ZNF398: variants seen among roughly 807,000 people sequenced by gnomAD.
ZNF398 encodes the protein zinc finger protein 398, also known as zinc finger DNA binding protein ZER6.
Under a neutral mutation model 41.9 loss-of-function variants are expected in ZNF398, and 18 were observed. The ratio of observed to expected loss-of-function variants is 0.43; its 90% CI spans 0.30 to 0.64. The LOEUF is 0.64. ZNF398 is among the 30% of genes least tolerant of loss of function. The probability of loss-of-function intolerance (pLI) is 0.14; values close to 1 mark genes in which losing one functional copy is unlikely to be tolerated. For missense variants in ZNF398, 669 were observed against 822.8 expected (o/e 0.81, Z 2.29); for synonymous variants, 260 against 308.8 (o/e 0.84, Z 1.66).
rs941026129 is a variant in ZNF398, at chr7:149,147,897, G to C, written c.24+131G>C. 2 of 1,126,654 alleles carry C rather than the reference G, an allele frequency of 1.8e-6. No homozygotes were observed. The highest frequency in any genetic ancestry group is 2.3e-6 in the Non-Finnish European group (2 of 878,336). 69.8% of individuals were successfully genotyped at this position (1,126,654 alleles called of 1,614,324 possible). A position where few individuals can be genotyped will look rare whatever the true frequency, so the allele number is the denominator to read the frequency against. On this transcript the variant is annotated intron_variant, in intron 1 of 5. Transcript: ENST00000475153. The surrounding 1 kb of genome is among the most constrained non-coding windows in gnomAD (Gnocchi z 5.6). ...CCGCCGGCCACGTCGCCTGTCGCCCGTGCTTGGCGGCTGCAGCCTCGCGTG... is the reference window on the plus strand; with the variant it reads ...CCGCCGGCCACGTCGCCTGTCGCCCCTGCTTGGCGGCTGCAGCCTCGCGTG...
chr7:149,137,527 G>A (rs1174350259), intron 2 of ZNF398, among the ~76,000 whole-genome samples: 2 of 152,016 alleles, frequency 1.3e-5, no homozygotes, highest in Non-Finnish European at 2.9e-5. Flanking sequence ...GATAACATGC[G>A]TGCACCACCA....
intron 4 of ZNF398, among the ~76,000 whole-genome samples, chr7:149,175,613 T>C (rs1445384138): frequency 1.3e-5 from 2 of 152,186 alleles, no homozygotes; most frequent in African/African-American, 2.4e-5. Context: ...GAAAAGTGTG[T>C]TTCTAGGGAG....
At position 149,147,459 on chromosome 7, in the gene ZNF398, G is replaced by T. The variant is rs1428770103; in HGVS notation, c.-284G>T. 1 of 251,046 alleles carries T rather than the reference G, an allele frequency of 4.0e-6. No homozygotes were observed. Among genetic ancestry groups the T allele is most frequent in the African/African-American group, 2.3e-5 (1 of 43,884 alleles). 15.6% of individuals were successfully genotyped at this position (251,046 alleles called of 1,614,324 possible). On this transcript the variant is annotated 5_prime_UTR_variant, in exon 1 of 6. Coordinates refer to ENST00000475153, the MANE Select transcript of ZNF398 (RefSeq NM_170686.3). This position sits in a 1 kb window ranked among gnomAD's most constrained non-coding sequence, Gnocchi z 5.6. Reference sequence around the variant, plus strand: ...GGCCCGCGCGGTTCCCGGTGCACTCGCTGCCCACAAAGCGCCAGCTGAGGG... The same window carrying T: ...GGCCCGCGCGGTTCCCGGTGCACTCTCTGCCCACAAAGCGCCAGCTGAGGG...
intron 1 of ZNF398, among the ~76,000 whole-genome samples, chr7:149,151,791 CTTTTTTTTTT>C (rs753689637): frequency 1.4e-5 from 2 of 139,242 alleles, no homozygotes; most frequent in East Asian, 2.0e-4. Flanking sequence ...CTTTTTTTTT[CTTTTTTTTTT>C]TTTGAGACTG....
exon 2 of ZNF398, chr7:149,128,826 T>G (rs28767030): frequency 0.59 from 87,382 of 149,060 alleles, 27,221 homozygotes; most frequent in East Asian, 0.9. Context: ...TTTCCAGACG[T>G]AGTCTTGCTC....
At chr7:149,148,305 T>A in intron 1 of ZNF398, 1 of 279,968 alleles carries the variant, frequency 3.6e-6, no homozygotes, top group Non-Finnish European at 5.4e-6. Context: ...GAGGCTGGAG[T>A]GGCCTCGCGT....
intron 1 of ZNF398, among the ~76,000 whole-genome samples, chr7:149,150,730 A>G (rs1309148044): frequency 6.6e-6 from 1 of 151,148 alleles, no homozygotes; most frequent in African/African-American, 2.4e-5. Flanking sequence ...CTCCTGCCCT[A>G]GACAGAGTCT....
chr7:149,133,678 T>TATATATATACACAC (rs1483673161), intron 2 of ZNF398, among the ~76,000 whole-genome samples: 5 of 67,020 alleles, frequency 7.5e-5, no homozygotes, highest in African/African-American at 3.0e-4. Context: ...TATATATATA[T>TATATATATACACAC]ACATATATAT....
upstream of ZNF398, chr7:149,147,363 G>C (rs1210812569): frequency 6.4e-6 from 1 of 156,516 alleles, no homozygotes; most frequent in Non-Finnish European, 1.4e-5. The surrounding 1 kb of genome is among the most constrained non-coding windows in gnomAD (Gnocchi z 5.6). Flanking sequence ...CGCGGGGGGC[G>C]CTGGCCGCAG....
chr7:149,126,495 G>A (rs2129518861), exon 1 of ZNF398: 2 of 530,056 alleles, frequency 3.8e-6, no homozygotes, highest in Admixed American at 7.7e-5. Flanking sequence ...TGGACTCCCG[G>A]ATCTGCATGC....
chr7:149,127,589 C>T (rs1236675850), intron 1 of ZNF398, among the ~76,000 whole-genome samples: 3 of 142,774 alleles, frequency 2.1e-5, no homozygotes, highest in South Asian at 2.3e-4. Context: ...TTGTGGCGGG[C>T]GCCTGTAGTC....
chr7:149,132,779 A>C (rs1826624372), intron 2 of ZNF398, among the ~76,000 whole-genome samples: 1 of 152,094 alleles, frequency 6.6e-6, no homozygotes, highest in African/African-American at 2.4e-5. Context: ...TGGAAAGAAA[A>C]ACAGAAGATG....
At chr7:149,149,767 G>C (rs1172722622) in intron 1 of ZNF398, among the ~76,000 whole-genome samples, 3 of 152,124 alleles carry the variant, frequency 2.0e-5, no homozygotes, top group Non-Finnish European at 4.4e-5. Context: ...GAGCCAGGGA[G>C]GTGGAGGCTG....
In ZNF398 at chr7:149,155,778, G is replaced by A. The variant is rs552055848; in HGVS notation, c.420+1438G>A. On this transcript the variant is annotated intron_variant, in intron 2 of 5. Coordinates refer to ENST00000475153, the MANE Select transcript of ZNF398 (RefSeq NM_170686.3). ...GTCTCACTCTGTTGCCCAGGCTGGAGTGCAGTGGCGCCATCTCGGCTCACT... is the reference window on the plus strand; with the variant it reads ...GTCTCACTCTGTTGCCCAGGCTGGAATGCAGTGGCGCCATCTCGGCTCACT... Among the ~76,000 whole-genome samples the A allele has an allele frequency of 9.4e-3, 1,341 of 142,296 alleles. 28 individuals carry two copies. The highest frequency in any genetic ancestry group is 0.033 in the African/African-American group (1,258 of 37,882). 93.4% of individuals were successfully genotyped at this position (142,296 alleles called of 152,430 possible).
At position 149,179,659 on chromosome 7, in the gene ZNF398, G is replaced by T. The variant is rs764268878; in HGVS notation, c.1787G>T (p.Gly596Val). ...TCAGGCCACAATGGAGGCTGTGGGGGTGATAGTGACCCATCAGGTCAGCCA... is the reference window on the plus strand; with the variant it reads ...TCAGGCCACAATGGAGGCTGTGGGGTTGATAGTGACCCATCAGGTCAGCCA... The part of the protein sequence containing the change: ...LRSGHNGGCG[G>V]DSDPSGQPPN... Residue 596 changes from glycine to valine, a missense_variant, in exon 6 of 6, where the codon GGT becomes GTT. Around this residue, in one of 3 missense-constraint regions of ZNF398, gnomAD observed 210 missense variants for 290.4 expected, o/e 0.72. Transcript: ENST00000475153. The surrounding 1 kb of genome is among the most constrained non-coding windows in gnomAD (Gnocchi z 6.1). 4 of 1,614,232 alleles carry T rather than the reference G, an allele frequency of 2.5e-6. No homozygotes were observed. The highest frequency in any genetic ancestry group is 3.4e-6 in the Non-Finnish European group (4 of 1,180,052).
chr7:149,155,236 A>G (rs908158420), intron 2 of ZNF398, among the ~76,000 whole-genome samples: 9 of 152,162 alleles, frequency 5.9e-5, no homozygotes, highest in African/African-American at 1.9e-4. Context: ...CCTGGCCAAC[A>G]AGGCGAAACC....
chr7:149,146,746 A>G (rs28715181), upstream of ZNF398, among the ~76,000 whole-genome samples: 6,990 of 151,588 alleles, frequency 0.046, 515 homozygotes, highest in African/African-American at 0.16. Context: ...GCTACTTGGG[A>G]GGCAAAGGCA....
intron 1 of ZNF398, among the ~76,000 whole-genome samples, chr7:149,126,960 T>C (rs1321584106): frequency 6.6e-6 from 1 of 152,142 alleles, no homozygotes; most frequent in Non-Finnish European, 1.5e-5. Flanking sequence ...AGAGACCCCA[T>C]GCGGAAGCCA....
intron 2 of ZNF398, among the ~76,000 whole-genome samples, chr7:149,132,880 G>A (rs1039751085): frequency 6.6e-6 from 1 of 152,146 alleles, no homozygotes; most frequent in Non-Finnish European, 1.5e-5. Flanking sequence ...CCGCTTGCTT[G>A]TGTATGTCTG....
Sources: allele counts gnomAD v4.1 joint callset (sites outside exome capture counted in the v4.1 genomes callset), GRCh38; gene constraint gnomAD v4.1.1; regional missense constraint gnomAD v4.1.1; non-coding constraint Gnocchi (gnomAD v3.1); transcripts MANE v1.5; gene names NCBI Gene and HGNC (gene_info 2026-07-23, HGNC 2026-07-21).